Variants in TENM2 observed in about 807,000 individuals in gnomAD.
TENM2 encodes the protein teneurin-2.
TENM2 carries 52 observed loss-of-function variants against 245.2 expected under a neutral mutation model. That is an observed-to-expected ratio of 0.21 (90% CI 0.17 to 0.27). The LOEUF is 0.27. TENM2 is among the 10% of genes least tolerant of loss of function. TENM2 has a pLI of 1.00. For missense variants in TENM2, 3,046 were observed against 3,666.8 expected, an observed-to-expected ratio of 0.83 and a Z score of 4.37; for synonymous variants, 1,363 against 1,438.9, an observed-to-expected ratio of 0.95 and a Z score of 1.19.
At chr5:167,012,937 C>T in the TENM2 span, among the ~76,000 whole-genome samples, 1 of 151,754 alleles carries the variant, frequency 6.6e-6, no homozygotes, top group African/African-American at 2.4e-5. Context: ...TAAGGTTGGC[C>T]TGTTAGTGGA....
Position 168,202,211 on chromosome 5 carries a change from T to C in TENM2, c.3431-1478T>C, listed in dbSNP as rs534250123. On this transcript the variant is annotated intron_variant, in intron 17 of 28. Coordinates refer to ENST00000518659, the Ensembl canonical transcript of TENM2. ...TATATAGAGATGCTTTCTCCTTAAC[T>C]ACTTGGTTATTTAAAGTACAGTTCA... Among the ~76,000 whole-genome samples, 87 of 152,294 alleles carry C rather than the reference T, an allele frequency of 5.7e-4. 1 individual carries two copies. Among genetic ancestry groups the C allele is most frequent in the East Asian group, 5.8e-4 (3 of 5,186 alleles).
At chr5:167,606,587 C>G (rs923086087) in intron 2 of TENM2, among the ~76,000 whole-genome samples, 1 of 152,122 alleles carries the variant, frequency 6.6e-6, no homozygotes, top group Non-Finnish European at 1.5e-5. Flanking sequence ...GGGGAAAGCA[C>G]CAGCATTTAG....
Position 167,820,306 on chromosome 5 carries a change from T to C in TENM2, c.503-55680T>C, listed in dbSNP as rs558206754. On this transcript the variant is annotated intron_variant, in intron 2 of 28. Transcript: ENST00000518659. ...CCATGAGGATTCTTAGTAATCAGGA[T>C]GCCAGTGTGTGTTTTCCAGAGCCTA... 5.4e-4 allele frequency among the ~76,000 whole-genome samples: 82 copies of C among 152,202 alleles called. 1 individual carries two copies. The highest frequency in any genetic ancestry group is 9.3e-4 in the Non-Finnish European group (63 of 68,032).
intron 5 of TENM2, among the ~76,000 whole-genome samples, chr5:168,000,190 T>C (rs1414648696): frequency 6.6e-6 from 1 of 152,230 alleles, no homozygotes; most frequent in East Asian, 1.9e-4. Flanking sequence ...GCTTCCACAG[T>C]GTGCTTTTAA....
intron 12 of TENM2, among the ~76,000 whole-genome samples, chr5:168,143,345 T>C (rs1755728643): frequency 6.6e-6 from 1 of 152,040 alleles, no homozygotes; most frequent in Non-Finnish European, 1.5e-5. Flanking sequence ...TTTATAAAAA[T>C]TACTTAGTAT....
intron 2 of TENM2, among the ~76,000 whole-genome samples, chr5:167,603,918 A>C (rs1269651267): frequency 6.6e-6 from 1 of 152,156 alleles, no homozygotes; most frequent in Non-Finnish European, 1.5e-5. Flanking sequence ...CATTTAATTG[A>C]TCTGGAGTTT....
chr5:168,110,164 TG>T (rs1249916949), intron 9 of TENM2, among the ~76,000 whole-genome samples: 2 of 151,528 alleles, frequency 1.3e-5, no homozygotes, highest in Non-Finnish European at 2.9e-5. Flanking sequence ...GGGAATCCTG[TG>T]GTTTATGGGA....
intron 3 of TENM2, among the ~76,000 whole-genome samples, chr5:167,920,240 C>T (rs774461773): frequency 6.6e-6 from 1 of 151,242 alleles, no homozygotes; most frequent in Non-Finnish European, 1.5e-5. Flanking sequence ...ACCTGTAATC[C>T]CAACACATTG....
chr5:167,270,527 ATC>A, the TENM2 span, among the ~76,000 whole-genome samples: 2 of 151,894 alleles, frequency 1.3e-5, no homozygotes. Context: ...CTTCATCATG[ATC>A]TCTCTCTCCT....
intron 10 of TENM2, among the ~76,000 whole-genome samples, chr5:168,122,620 G>A (rs961008043): frequency 6.6e-6 from 1 of 152,088 alleles, no homozygotes; most frequent in African/African-American, 2.4e-5. Flanking sequence ...GAATTCAACT[G>A]TAAAGTGATA....
chr5:167,073,946 A>T, the TENM2 span, among the ~76,000 whole-genome samples: 1 of 152,136 alleles, frequency 6.6e-6, no homozygotes, highest in East Asian at 1.9e-4. Flanking sequence ...GCCCCCTATA[A>T]CAAATGTTTC....
chr5:166,995,767 G>C, the TENM2 span, among the ~76,000 whole-genome samples: 7 of 128,546 alleles, frequency 5.4e-5, no homozygotes, highest in African/African-American at 2.1e-4. Flanking sequence ...AGTGAGCCGA[G>C]ATGCACCATT....
intron 2 of TENM2, among the ~76,000 whole-genome samples, chr5:167,761,704 G>T (rs2150711727): frequency 6.6e-6 from 1 of 152,222 alleles, no homozygotes; most frequent in Admixed American, 6.5e-5. Context: ...AGGACCACAG[G>T]CCTAATGAGA....
At chr5:167,975,810 C>T (rs1782395903) in intron 4 of TENM2, among the ~76,000 whole-genome samples, 1 of 150,684 alleles carries the variant, frequency 6.6e-6, no homozygotes, top group Non-Finnish European at 1.5e-5. Context: ...TAATAGAGAT[C>T]ACTACTGTTT....
intron 5 of TENM2, among the ~76,000 whole-genome samples, chr5:168,024,741 G>A (rs991598523): frequency 6.6e-6 from 1 of 152,204 alleles, no homozygotes; most frequent in Non-Finnish European, 1.5e-5. Context: ...TTCCCTGACA[G>A]TAAGAAAGGG....
intron 8 of TENM2, among the ~76,000 whole-genome samples, chr5:168,091,012 T>G (rs1792896091): frequency 6.6e-6 from 1 of 152,184 alleles, no homozygotes; most frequent in Non-Finnish European, 1.5e-5. Context: ...TCAGACTGCC[T>G]GGGTTGAGTC....
intron 1 of TENM2, among the ~76,000 whole-genome samples, chr5:167,320,236 A>G (rs1044165476): frequency 6.6e-6 from 1 of 152,254 alleles, no homozygotes; most frequent in Non-Finnish European, 1.5e-5. Flanking sequence ...GATTCCCAAT[A>G]AAATATTTGT....
chr5:167,420,549 T>G (rs1763443771), intron 2 of TENM2, among the ~76,000 whole-genome samples: 6 of 152,182 alleles, frequency 3.9e-5, no homozygotes. Context: ...CATTTCCAAT[T>G]TAGGGAGTTT....
At chr5:167,177,919 G>A in the TENM2 span, among the ~76,000 whole-genome samples, 12 of 152,272 alleles carry the variant, frequency 7.9e-5, no homozygotes, top group African/African-American at 2.4e-4. Context: ...TATAAAACAC[G>A]CAAAGCCTCA....
Sources: gnomAD v4.1 joint callset for allele counts (sites outside exome capture counted in the v4.1 genomes callset) on GRCh38, gnomAD v4.1.1 for gene constraint, MANE v1.5 for transcripts, NCBI Gene and HGNC (gene_info 2026-07-23, HGNC 2026-07-21) for gene names.